PRSS23: variants seen among roughly 807,000 people sequenced by gnomAD.
The protein encoded by PRSS23 is serine protease 23, also known as protease, serine 23.
A neutral mutation model predicts 34.7 loss-of-function variants in PRSS23; 25 were observed. The ratio of observed to expected loss-of-function variants is 0.72; its 90% confidence interval spans 0.53 to 1.01. PRSS23 has a LOEUF of 1.01. PRSS23 is among the 50% of genes least tolerant of loss of function. PRSS23 has a pLI of 0.00. For synonymous variants in PRSS23, 176 were observed against 186.6 expected (o/e 0.94, Z 0.46); for missense variants, 445 against 475.6 (o/e 0.94, Z 0.60).
intron 2 of PRSS23, among the ~76,000 whole-genome samples, chr11:86,853,874 T>C (rs1255800159): frequency 6.6e-6 from 1 of 152,224 alleles, no homozygotes; most frequent in East Asian, 1.9e-4. Flanking sequence ...TACTTCCCTC[T>C]AGTTTCACCA....
intron 1 of PRSS23, chr11:86,823,204 C>T (rs973561586): frequency 1.7e-6 from 1 of 601,258 alleles, no homozygotes; most frequent in South Asian, 2.0e-5. Context: ...TATTCAGTTC[C>T]TATTTCTTTT....
Position 86,935,535 on chromosome 11 carries a change from T to C in PRSS23, c.207-15681T>C, listed in dbSNP as rs573203226. The C allele has an allele frequency of 5.9e-5, 9 of 152,366 alleles. No individual in the cohort carries two copies. In the East Asian group the frequency reaches 1.7e-3, roughly 29 times the overall value. The allele number at this position is 152,366 out of a possible 1,614,324, so 9.4% of individuals were successfully genotyped here. A position where few individuals can be genotyped will look rare whatever the true frequency, so the allele number is the denominator to read the frequency against. On this transcript the variant is annotated intron_variant, in intron 2 of 2. Coordinates refer to the PRSS23 transcript ENST00000533902. Reference sequence around the variant, plus strand: ...TTTTCACATGAATGTTATTTCATTCTTTCTTGACTAGTTGTTTTCAAATCA... The same window carrying C: ...TTTTCACATGAATGTTATTTCATTCCTTCTTGACTAGTTGTTTTCAAATCA...
chr11:86,794,261 A>G (rs1390896129), intron 1 of PRSS23, among the ~76,000 whole-genome samples: 1 of 152,194 alleles, frequency 6.6e-6, no homozygotes, highest in African/African-American at 2.4e-5. Context: ...TTTGTTCTTG[A>G]TCATAAGATC....
At chr11:86,803,188 G>A (rs1015691940) in intron 1 of PRSS23, among the ~76,000 whole-genome samples, 1 of 152,134 alleles carries the variant, frequency 6.6e-6, no homozygotes, top group Non-Finnish European at 1.5e-5. Flanking sequence ...AAACGTTATA[G>A]ACCTAAATTT....
chr11:86,794,966 A>G (rs1947971894), intron 1 of PRSS23, among the ~76,000 whole-genome samples: 1 of 152,190 alleles, frequency 6.6e-6, no homozygotes, highest in Admixed American at 6.5e-5. Flanking sequence ...AGGAGGAGAC[A>G]AAAAATACAA....
chr11:86,881,301 T>G (rs1277093992), intron 2 of PRSS23, among the ~76,000 whole-genome samples: 1 of 151,442 alleles, frequency 6.6e-6, no homozygotes, highest in Non-Finnish European at 1.5e-5. Flanking sequence ...GTTTGTCAAA[T>G]GTTTGGCTTT....
chr11:86,902,434 A>G (rs1948917695), intron 2 of PRSS23, among the ~76,000 whole-genome samples: 1 of 152,188 alleles, frequency 6.6e-6, no homozygotes, highest in South Asian at 2.1e-4. Flanking sequence ...GATGACCTAG[A>G]TAAGGGTCCT....
chr11:86,874,203 CAG>C (rs1948707452), intron 2 of PRSS23, among the ~76,000 whole-genome samples: 1 of 152,164 alleles, frequency 6.6e-6, no homozygotes. Flanking sequence ...ATCCTTGAGC[CAG>C]AGTCACCTAT....
chr11:86,945,364 CAA>C (rs58204343), intron 2 of PRSS23, among the ~76,000 whole-genome samples: 8 of 133,206 alleles, frequency 6.0e-5, no homozygotes, highest in South Asian at 2.4e-4. Flanking sequence ...CTGAAAATGC[CAA>C]AAAAAAAAAA....
chr11:86,812,351 G>A (rs1158693373), downstream of PRSS23, among the ~76,000 whole-genome samples: 1 of 152,146 alleles, frequency 6.6e-6, no homozygotes, highest in Non-Finnish European at 1.5e-5. Context: ...TAGGGGAAGG[G>A]CATTTAAAAA....
chr11:86,837,568 A>C (rs1417595967), intron 2 of PRSS23: 1 of 152,230 alleles, frequency 6.6e-6, no homozygotes, highest in African/African-American at 2.4e-5. Flanking sequence ...GGAGATCAAG[A>C]TTATCCTGGG....
At chr11:86,886,582 GTC>G (rs1278417051) in intron 2 of PRSS23, among the ~76,000 whole-genome samples, 2 of 152,178 alleles carry the variant, frequency 1.3e-5, no homozygotes, top group Admixed American at 6.5e-5. Context: ...CTTAGAATTT[GTC>G]TCTCAGAGGA....
intron 2 of PRSS23, among the ~76,000 whole-genome samples, chr11:86,928,318 T>C (rs1949096290): frequency 6.7e-6 from 1 of 148,316 alleles, no homozygotes; most frequent in East Asian, 1.9e-4. Context: ...AAGTATATAA[T>C]ACATATGTTT....
chr11:86,864,582 C>G (rs908041610), intron 2 of PRSS23, among the ~76,000 whole-genome samples: 1 of 152,244 alleles, frequency 6.6e-6, no homozygotes, highest in African/African-American at 2.4e-5. Context: ...CTCTCATCAT[C>G]TGGCAATTAG....
At chr11:86,894,648 G>A (rs568354148) in intron 2 of PRSS23, among the ~76,000 whole-genome samples, 5 of 152,128 alleles carry the variant, frequency 3.3e-5, no homozygotes, top group Non-Finnish European at 5.9e-5. Context: ...GTAGGAACAG[G>A]AAGGGAAAAT....
intron 2 of PRSS23, among the ~76,000 whole-genome samples, chr11:86,824,734 C>CT (rs1429780740): frequency 2.0e-5 from 3 of 149,316 alleles, no homozygotes; most frequent in Non-Finnish European, 4.4e-5. Context: ...GCAGTGTTTG[C>CT]TTTTTTGTTC....
chr11:86,899,786 G>A (rs1297276142), intron 2 of PRSS23, among the ~76,000 whole-genome samples: 1 of 151,332 alleles, frequency 6.6e-6, no homozygotes, highest in Non-Finnish European at 1.5e-5. Context: ...AAAGTGCTGG[G>A]ATTACAGGCA....
downstream of PRSS23, among the ~76,000 whole-genome samples, chr11:86,812,036 A>G (rs979741107): frequency 1.1e-4 from 16 of 152,184 alleles, no homozygotes; most frequent in Admixed American, 9.2e-4. Context: ...CTGACCATTG[A>G]TTTCTATGGA....
chr11:86,851,668 A>G (rs979181131), intron 2 of PRSS23, among the ~76,000 whole-genome samples: 18 of 152,214 alleles, frequency 1.2e-4, no homozygotes, highest in African/African-American at 3.4e-4. Context: ...TGATAATGAA[A>G]TGTGCACTAA....
Sources: allele counts gnomAD v4.1 joint callset (sites outside exome capture counted in the v4.1 genomes callset), GRCh38; gene constraint gnomAD v4.1.1; transcripts MANE v1.5; gene names NCBI Gene and HGNC (gene_info 2026-07-23, HGNC 2026-07-21).